The following KCNN2 variants were observed in gnomAD, a reference collection of about 807,000 sequenced individuals.
KCNN2 encodes the protein potassium calcium-activated channel subfamily N member 2, also known as small conductance calcium-activated potassium channel protein 2.
KCNN2 carries 24 observed loss-of-function variants against 55.5 expected under a neutral mutation model. The ratio of observed to expected loss-of-function variants is 0.43; its 90% CI spans 0.31 to 0.61. The LOEUF (loss-of-function observed/expected upper bound fraction) is 0.61. Ranked by LOEUF, KCNN2 falls within the 20% of genes least tolerant of loss-of-function variation. The pLI is 0.08. For missense variants in KCNN2, 754 were observed against 853.6 expected, an observed-to-expected ratio of 0.88 and a Z score of 1.45; for synonymous variants, 431 against 336.1, an observed-to-expected ratio of 1.28 and a Z score of -3.09.
intron 1 of KCNN2, among the ~76,000 whole-genome samples, chr5:114,137,228 A>C (rs1266069318): frequency 6.6e-6 from 1 of 152,174 alleles, no homozygotes; most frequent in Non-Finnish European, 1.5e-5. Flanking sequence ...TAGAGATAAA[A>C]ATGTCTTCAA....
intron 1 of KCNN2, among the ~76,000 whole-genome samples, chr5:114,151,508 C>T (rs1752523145): frequency 6.6e-6 from 1 of 151,226 alleles, no homozygotes; most frequent in South Asian, 2.1e-4. Flanking sequence ...ATGGCAATTT[C>T]AGTTGCAACA....
At chr5:114,417,382 T>A (rs1759338081) in intron 3 of KCNN2, among the ~76,000 whole-genome samples, 1 of 152,202 alleles carries the variant, frequency 6.6e-6, no homozygotes, top group African/African-American at 2.4e-5. Flanking sequence ...TGTTTTATTT[T>A]GTTTTGCTTT....
At chr5:114,340,439 C>T (rs2150036289) in intron 2 of KCNN2, among the ~76,000 whole-genome samples, 1 of 152,228 alleles carries the variant, frequency 6.6e-6, no homozygotes, top group African/African-American at 2.4e-5. Context: ...TACATTCACA[C>T]ACACATAGAC....
intron 6 of KCNN2, 74 bp downstream of exon 6, chr5:114,487,251 T>C (rs888584519): frequency 2.6e-5 from 36 of 1,367,880 alleles, no homozygotes; most frequent in Non-Finnish European, 3.5e-5. Context: ...TTATTCTTGT[T>C]TCATAAGGAA....
intron 1 of KCNN2, among the ~76,000 whole-genome samples, chr5:114,072,731 C>T (rs1431212841): frequency 6.6e-6 from 1 of 152,178 alleles, no homozygotes; most frequent in East Asian, 1.9e-4. Context: ...CTGGATCTAC[C>T]ACTAACTGGC....
chr5:114,481,029 A>C (rs1470602502), intron 5 of KCNN2, among the ~76,000 whole-genome samples: 1 of 152,194 alleles, frequency 6.6e-6, no homozygotes, highest in Non-Finnish European at 1.5e-5. Flanking sequence ...AAGAGAAAGA[A>C]AGAGTATTCA....
intron 5 of KCNN2, among the ~76,000 whole-genome samples, chr5:114,478,702 C>G (rs1476452252): frequency 6.6e-6 from 1 of 152,110 alleles, no homozygotes; most frequent in Non-Finnish European, 1.5e-5. Context: ...CAGTAGACCC[C>G]TCAGCAGAAA....
chr5:114,391,862 G>A (rs1310961713), intron 2 of KCNN2, among the ~76,000 whole-genome samples: 1 of 152,070 alleles, frequency 6.6e-6, no homozygotes, highest in African/African-American at 2.4e-5. Context: ...TATCAGGGCT[G>A]GAATTACTGT....
intron 3 of KCNN2, among the ~76,000 whole-genome samples, chr5:114,427,593 T>C (rs1253902570): frequency 1.3e-5 from 2 of 152,252 alleles, no homozygotes; most frequent in East Asian, 3.8e-4. Flanking sequence ...CATTTGGTGA[T>C]AAAAGCACTA....
chr5:114,108,192 G>A (rs547929003), intron 1 of KCNN2, among the ~76,000 whole-genome samples: 3 of 152,060 alleles, frequency 2.0e-5, no homozygotes, highest in Admixed American at 6.6e-5. Context: ...AAAAAAGTTC[G>A]AAGGGAAGGA....
At chr5:114,172,425 A>G (rs1753057363) in intron 1 of KCNN2, among the ~76,000 whole-genome samples, 1 of 151,460 alleles carries the variant, frequency 6.6e-6, no homozygotes, top group Admixed American at 6.6e-5. Flanking sequence ...CAACTTACGT[A>G]TTTTCTCACC....
chr5:114,213,936 G>A (rs1753941213), intron 1 of KCNN2, among the ~76,000 whole-genome samples: 1 of 151,964 alleles, frequency 6.6e-6, no homozygotes, highest in Non-Finnish European at 1.5e-5. Context: ...GAGACATCAA[G>A]TCCCCACAAC....
At chr5:114,463,711 C>T (rs1761314161) in intron 4 of KCNN2, among the ~76,000 whole-genome samples, 1 of 152,184 alleles carries the variant, frequency 6.6e-6, no homozygotes, top group African/African-American at 2.4e-5. Flanking sequence ...ATGGAGCTTA[C>T]AAGGGAAGAC....
intron 1 of KCNN2, among the ~76,000 whole-genome samples, chr5:114,220,547 T>C (rs922123772): frequency 2.0e-5 from 3 of 151,942 alleles, no homozygotes; most frequent in African/African-American, 7.2e-5. Context: ...GAAATGTTTT[T>C]TAAAAAAAGA....
At chr5:114,273,477 T>C (rs4476713) in intron 2 of KCNN2, among the ~76,000 whole-genome samples, 149,894 of 152,274 alleles carry the variant, frequency 0.98, 73,819 homozygotes, top group Non-Finnish European at 1. Flanking sequence ...TTTACACTCC[T>C]ACCACGTTCC....
chr5:114,163,271 A>G (rs957274211), intron 1 of KCNN2, among the ~76,000 whole-genome samples: 9 of 152,144 alleles, frequency 5.9e-5, no homozygotes, highest in Non-Finnish European at 1.2e-4. Context: ...TCCAGTTTGA[A>G]TGCCCTTTAT....
At chr5:114,381,335 T>C (rs1354594823) in intron 2 of KCNN2, among the ~76,000 whole-genome samples, 4 of 152,192 alleles carry the variant, frequency 2.6e-5, no homozygotes, top group African/African-American at 7.2e-5. Context: ...AGGGCATTTG[T>C]TTCTATTTTT....
chr5:114,256,225 G>A (rs905431288), intron 2 of KCNN2, among the ~76,000 whole-genome samples: 13 of 151,584 alleles, frequency 8.6e-5, no homozygotes, highest in South Asian at 8.4e-4. Flanking sequence ...GGGTGTGTGT[G>A]TATATATATA....
chr5:114,411,871 A>T (rs1376263064), intron 3 of KCNN2, among the ~76,000 whole-genome samples: 1 of 152,212 alleles, frequency 6.6e-6, no homozygotes, highest in Non-Finnish European at 1.5e-5. Flanking sequence ...TCCTTAATCT[A>T]GTTAAGTTGA....
Sources: gnomAD v4.1 joint callset for allele counts (sites outside exome capture counted in the v4.1 genomes callset) on GRCh38, gnomAD v4.1.1 for gene constraint, MANE v1.5 for transcripts, NCBI Gene and HGNC (gene_info 2026-07-23, HGNC 2026-07-21) for gene names.